ULK2: variants seen among roughly 807,000 people sequenced by gnomAD.
ULK2 encodes serine/threonine-protein kinase ULK2.
In ULK2, 76 loss-of-function variants were observed where a neutral mutation model predicts 127.5. That is an observed-to-expected ratio of 0.60 (90% CI 0.50 to 0.72). The LOEUF is 0.72. Among genes scored for constraint, ULK2 ranks in the 30% least tolerant of loss-of-function variants. The pLI, the probability that ULK2 is intolerant of heterozygous loss-of-function variation, is 0.00. For missense variants in ULK2, 1,144 were observed against 1,295.9 expected (o/e 0.88, Z 1.80); for synonymous variants, 452 against 461.9 (o/e 0.98, Z 0.28).
chr17:19,865,753 C>T lies in ULK2; in HGVS notation c.166G>A (p.Glu56Lys). The T allele has an allele frequency of 6.6e-7, 1 of 1,526,624 alleles. No homozygotes were observed. The highest frequency in any genetic ancestry group is 9.0e-7 in the Non-Finnish European group (1 of 1,112,386). 94.6% of individuals were successfully genotyped at this position (1,526,624 alleles called of 1,614,324 possible). The part of the protein sequence containing the change: ...LSKSQILLGK[E>K]IKILKELQHE... ...TAACATACCTTTAAGATTTTAATTT[C>T]CTTTCCAAGCAGTATTTGTGATTTT... Residue 56 changes from glutamate to lysine, a missense_variant, in exon 2 of 27, where the codon GAA (glutamate) becomes AAA (lysine). By Grantham distance (56) the Glu-to-Lys change is moderately conservative. Around this residue, in one of 2 missense-constraint regions of ULK2, gnomAD observed 231 missense variants for 325.4 expected, o/e 0.71. Transcript: ENST00000395544.
intron 20 of ULK2, among the ~76,000 whole-genome samples, chr17:19,788,433 T>C (rs547189411): frequency 2.6e-5 from 4 of 151,926 alleles, no homozygotes; most frequent in Non-Finnish European, 4.4e-5. Flanking sequence ...CAGGCCCTAG[T>C]TCCTGTTGAC....
At chr17:19,815,862 T>TA (rs999546158) in intron 13 of ULK2, among the ~76,000 whole-genome samples, 1 of 151,196 alleles carries the variant, frequency 6.6e-6, no homozygotes, top group Non-Finnish European at 1.5e-5. Flanking sequence ...TAACAAAATT[T>TA]AAAAAAAAGA....
Position 19,804,769 on chromosome 17 carries a change from T to G in ULK2, c.1219A>C (p.Ile407Leu). 6.2e-7 allele frequency: 1 copy of G among 1,613,092 alleles called. No individual in the cohort carries two copies. The highest frequency in any genetic ancestry group is 8.5e-7 in the Non-Finnish European group (1 of 1,179,434). Reference protein sequence around the residue: ...ETAPIPVPTQIRNYQRIEQNL... With the variant: ...ETAPIPVPTQLRNYQRIEQNL... ...TGCTCTATGCGCTGATAATTCCTTA[T>G]TTGAGTAGGAACTGGAATTGGTGCT... is the stretch of plus-strand genomic sequence containing the variant. The change falls in exon 15 of 27, where the codon ATA (isoleucine) becomes CTA (leucine). Residue 407 changes from isoleucine (I) to leucine (L), a missense_variant. By Grantham distance (5) the Ile-to-Leu change is conservative. Around this residue, in one of 2 missense-constraint regions of ULK2, gnomAD observed 913 missense variants for 970.5 expected, o/e 0.94. Transcript: ENST00000395544.
At position 19,797,414 on chromosome 17, in the gene ULK2, G is replaced by A; in HGVS notation, c.1791C>T (p.Ile597=). 6.2e-7 allele frequency: 1 copy of A among 1,613,476 alleles called. No individual in the cohort carries two copies. Residue 597 remains isoleucine, a synonymous_variant, in exon 18 of 27, where the codon ATC becomes ATT. Transcript: ENST00000395544. ...AACAAACCTTAGTAGGAGAGCCAAT[G>A]ATTGTTGGCAAAGGAGTTTTAAAGA... ...DWFFKTPLPT[I]IGSPTKTTAP...
At chr17:19,796,063 T>A in intron 19 of ULK2, 32 bp downstream of exon 19, 1 of 1,578,370 alleles carries the variant, frequency 6.3e-7, no homozygotes, top group South Asian at 1.2e-5. Context: ...ACAGTTTTCA[T>A]GTTTAATGCT....
chr17:19,797,001 T>TG lies in ULK2; in HGVS notation c.1809+394_1809+395insC, dbSNP rs2087285931. ...TACACAGAAAGTGCTCATTATATTA[T>TG]AGCTATTATTGTCCAGGAGCAGTGG... On this transcript the variant is annotated intron_variant, in intron 18 of 26. Coordinates refer to ENST00000395544, the MANE Select transcript of ULK2 (RefSeq NM_014683.4). 3.9e-5 allele frequency among the ~76,000 whole-genome samples: 6 copies of TG among 152,352 alleles called. No individual in the cohort carries two copies. The South Asian group carries it at 1.2e-3, about 32-fold the overall frequency.
chr17:19,793,711 T>C (rs931857833), intron 20 of ULK2, among the ~76,000 whole-genome samples: 13 of 152,052 alleles, frequency 8.5e-5, no homozygotes, highest in Non-Finnish European at 1.9e-4. Context: ...CAGCAAACAC[T>C]AAATAAAGCT....
intron 20 of ULK2, among the ~76,000 whole-genome samples, chr17:19,789,326 T>G (rs1350327413): frequency 6.6e-6 from 1 of 152,160 alleles, no homozygotes. Flanking sequence ...CATAGAATTC[T>G]TCTGGATCTT....
At chr17:19,792,946 G>T (rs2087188132) in intron 20 of ULK2, among the ~76,000 whole-genome samples, 1 of 152,204 alleles carries the variant, frequency 6.6e-6, no homozygotes, top group Non-Finnish European at 1.5e-5. Flanking sequence ...ATATAGATCA[G>T]TGAAATAGTT....
In ULK2 at chr17:19,780,467, G is replaced by T; in HGVS notation, c.2916+5C>A. 2 of 1,606,598 alleles carry T rather than the reference G, an allele frequency of 1.2e-6. No individual in the cohort carries two copies. Among genetic ancestry groups the T allele is most frequent in the Non-Finnish European group, 1.7e-6 (2 of 1,177,186 alleles). On this transcript the variant is annotated splice_donor_5th_base_variant and intron_variant, in intron 25 of 26. Coordinates refer to ENST00000395544, the MANE Select transcript of ULK2 (RefSeq NM_014683.4). ...TATACAATATTAAACCTTAGAAAGG[G>T]TTACCATTTCTACAGCACAATTATA...
In ULK2 at chr17:19,776,200, T is replaced by A. The variant is rs1041873141; in HGVS notation, c.*149A>T. 1.6e-6 allele frequency: 1 copy of A among 629,508 alleles called. No homozygotes were observed. Among genetic ancestry groups the A allele is most frequent in the Non-Finnish European group, 2.6e-6 (1 of 389,134 alleles). The allele number at this position is 629,508 out of a possible 1,614,324, so 39.0% of individuals were successfully genotyped here. A position where few individuals can be genotyped will look rare whatever the true frequency, so the allele number is the denominator to read the frequency against. ...CTACAAATATGTAGTTTTTGGATTG[T>A]TTTTCCTTTTTCAAATCACTGCTTG... On this transcript the variant is annotated 3_prime_UTR_variant, in exon 27 of 27. Coordinates refer to ENST00000395544, the MANE Select transcript of ULK2 (RefSeq NM_014683.4).
intron 20 of ULK2, among the ~76,000 whole-genome samples, chr17:19,788,404 A>AGTC (rs2087081265): frequency 1.3e-5 from 2 of 151,902 alleles, no homozygotes; most frequent in Admixed American, 1.3e-4. Flanking sequence ...CCCCGGGCAG[A>AGTC]GTCGTGAGAC....
chr17:19,861,823 T>C (rs2042248817), intron 3 of ULK2, among the ~76,000 whole-genome samples: 1 of 152,172 alleles, frequency 6.6e-6, no homozygotes, highest in Admixed American at 6.5e-5. Context: ...TCATGCTGCT[T>C]TGAATTTCTC....
At chr17:19,856,977 CAAAAAAA>C (rs1157706276) in intron 3 of ULK2, among the ~76,000 whole-genome samples, 603 of 21,270 alleles carry the variant, frequency 0.028, 3 homozygotes, top group South Asian at 0.066. Flanking sequence ...ACTCCATCTC[CAAAAAAA>C]AAAAAAAAAA....
At chr17:19,786,191 T>G in intron 20 of ULK2, 105 bp from the exon 21 acceptor site, 4 of 1,057,210 alleles carry the variant, frequency 3.8e-6, no homozygotes, top group Non-Finnish European at 5.1e-6. Flanking sequence ...GTCTAGTGGT[T>G]TTTTTTTTTT....
chr17:19,781,234 T>C (rs1567672156), intron 23 of ULK2, 130 bp from the exon 24 acceptor site: 1 of 657,718 alleles, frequency 1.5e-6, no homozygotes, highest in Non-Finnish European at 2.5e-6. Flanking sequence ...TCTTTTCTTC[T>C]TTCTTTTCTT....
At chr17:19,810,229 CAA>C (rs199922634) in intron 14 of ULK2, 147 bp downstream of exon 14, 79 of 350,666 alleles carry the variant, frequency 2.3e-4, no homozygotes, top group African/African-American at 1.3e-3. Flanking sequence ...GACTCCATCT[CAA>C]AAAAAAAAAA....
rs78256017 is a variant in ULK2 at position 19,808,823 on chromosome 17, G to C, written c.1157+1555C>G. 4.8e-3 allele frequency among the ~76,000 whole-genome samples: 730 copies of C among 152,334 alleles called. 23 individuals carry two copies. In the East Asian group the frequency reaches 0.088, roughly 18 times the overall value. ...AAACTGGAACCCCTGTGCACTGTTG[G>C]TTGGACTGTAAAATGGTATAACTGC... On this transcript the variant is annotated intron_variant, in intron 14 of 26. Transcript: ENST00000395544.
chr17:19,827,875 G>A (rs1040793208), intron 10 of ULK2, among the ~76,000 whole-genome samples: 2 of 150,548 alleles, frequency 1.3e-5, no homozygotes, highest in Admixed American at 6.6e-5. Flanking sequence ...CTGCCATTGC[G>A]CTCCAGCCTA....
Sources: allele counts gnomAD v4.1 joint callset (sites outside exome capture counted in the v4.1 genomes callset), GRCh38; gene constraint gnomAD v4.1.1; regional missense constraint gnomAD v4.1.1; transcripts MANE v1.5; gene names NCBI Gene and HGNC (gene_info 2026-07-23, HGNC 2026-07-21).